VPS53: variants seen among roughly 807,000 people sequenced by gnomAD.
The protein encoded by VPS53 is VPS53 subunit of GARP complex, also known as vacuolar protein sorting-associated protein 53 homolog.
In VPS53, 70 loss-of-function variants were observed where a neutral mutation model predicts 107.0. The observed-to-expected ratio is 0.65, with a 90% CI of 0.54 to 0.80. The LOEUF (loss-of-function observed/expected upper bound fraction) is 0.80, where lower values mean the gene tolerates loss of function less well. Among genes scored for constraint, VPS53 ranks in the 30% least tolerant of loss-of-function variants. VPS53 has a pLI of 0.00. For missense variants in VPS53, 917 were observed against 1,049.4 expected (o/e 0.87, Z 1.74); for synonymous variants, 409 against 393.3 (o/e 1.04, Z -0.47).
intron 15 of VPS53, among the ~76,000 whole-genome samples, chr17:558,413 C>G (rs1326032204): frequency 6.6e-6 from 1 of 152,092 alleles, no homozygotes; most frequent in Non-Finnish European, 1.5e-5. Flanking sequence ...ACGGGCAGAT[C>G]ACAAGATCAG....
chr17:605,413 C>A (rs1039819057), intron 11 of VPS53, among the ~76,000 whole-genome samples: 3 of 152,126 alleles, frequency 2.0e-5, no homozygotes, highest in Admixed American at 6.5e-5. Flanking sequence ...GCAGGGAGAC[C>A]CGGTGGAGAC....
At chr17:543,185 G>C (rs543277920) in intron 17 of VPS53, among the ~76,000 whole-genome samples, 3 of 152,206 alleles carry the variant, frequency 2.0e-5, no homozygotes, top group Non-Finnish European at 4.4e-5. Context: ...GACTTGTCTT[G>C]ATTCAACGTA....
intron 13 of VPS53, among the ~76,000 whole-genome samples, chr17:566,225 A>G (rs965198543): frequency 6.6e-6 from 1 of 151,706 alleles, no homozygotes; most frequent in African/African-American, 2.4e-5. Context: ...AAAAAAAAGA[A>G]AGAAATAACC....
intron 2 of VPS53, among the ~76,000 whole-genome samples, chr17:700,969 T>C (rs932922604): frequency 1.3e-5 from 2 of 152,198 alleles, no homozygotes; most frequent in Non-Finnish European, 2.9e-5. Context: ...CTCATCCTAC[T>C]GTTCTGACCA....
intron 4 of VPS53, among the ~76,000 whole-genome samples, chr17:681,606 T>C (rs1286783599): frequency 6.6e-6 from 1 of 152,210 alleles, no homozygotes; most frequent in Non-Finnish European, 1.5e-5. Context: ...CACATAGATA[T>C]ATGTAGTTAG....
In VPS53 at chr17:665,280, T is replaced by A. The variant is rs527442627; in HGVS notation, c.286-3385A>T. 2.6e-5 allele frequency among the ~76,000 whole-genome samples: 4 copies of A among 151,570 alleles called. No individual in the cohort carries two copies. The South Asian group carries it at 6.3e-4, about 24-fold the overall frequency. On this transcript the variant is annotated intron_variant, in intron 4 of 21. Coordinates refer to ENST00000437048, the MANE Select transcript of VPS53 (RefSeq NM_001128159.3). ...AGAAGGCCCTCGCCGCAGGACGACA[T>A]GGTGAGAAGGCGCTCGCCGCGGGAC...
At chr17:549,348 A>C (rs1911595768) in intron 17 of VPS53, among the ~76,000 whole-genome samples, 1 of 152,194 alleles carries the variant, frequency 6.6e-6, no homozygotes, top group Admixed American at 6.5e-5. Flanking sequence ...GAACTCCAGA[A>C]GACTCAGACA....
intron 4 of VPS53, among the ~76,000 whole-genome samples, chr17:682,838 T>C (rs979504777): frequency 1.5e-5 from 2 of 137,550 alleles, no homozygotes; most frequent in Admixed American, 7.1e-5. Context: ...AGAGGAGCCA[T>C]TTGGTATAAA....
At chr17:606,936 G>T (rs1428611057) in intron 11 of VPS53, among the ~76,000 whole-genome samples, 1 of 149,696 alleles carries the variant, frequency 6.7e-6, no homozygotes, top group Non-Finnish European at 1.5e-5. Context: ...AAAAAGGTTG[G>T]GGACAGCTGG....
chr17:573,742 C>T (rs763941870), intron 13 of VPS53, among the ~76,000 whole-genome samples: 6 of 152,188 alleles, frequency 3.9e-5, no homozygotes, highest in Non-Finnish European at 7.3e-5. Context: ...GCCTAGCAAG[C>T]GCGAAGCCTC....
intron 3 of VPS53, among the ~76,000 whole-genome samples, chr17:698,487 T>G (rs1290569327): frequency 6.6e-6 from 1 of 151,418 alleles, no homozygotes; most frequent in East Asian, 1.9e-4. Flanking sequence ...GGCAGATTGC[T>G]TGAGCTCAGC....
At chr17:691,417 A>G (rs1972771048) in intron 4 of VPS53, among the ~76,000 whole-genome samples, 1 of 152,200 alleles carries the variant, frequency 6.6e-6, no homozygotes, top group African/African-American at 2.4e-5. Context: ...AAGATAATGA[A>G]ACGTCAGAGA....
rs777861602 is a variant in VPS53 at position 517,509 on chromosome 17, G to C, written c.*1619C>G. 3.8e-5 allele frequency: 15 copies of C among 398,382 alleles called. No homozygotes were observed. Among genetic ancestry groups the C allele is most frequent in the Non-Finnish European group, 4.9e-5 (11 of 226,028 alleles). 24.7% of individuals were successfully genotyped at this position (398,382 alleles called of 1,614,324 possible). On this transcript the variant is annotated 3_prime_UTR_variant, in exon 22 of 22. Transcript: ENST00000437048. The stretch of plus-strand genomic sequence containing the variant: ...CTGTTACAAGTTTTATGGATTTTAA[G>C]GAAATTTCCTCTATCCTGAAAACTT...
chr17:618,745 A>C lies in VPS53; in HGVS notation c.1116+4788T>G, dbSNP rs74810032. ...TGGGTAGCTGGGACTACAGGCGTGCACCACCATGCCCCGCTAATATTTCCC... is the reference window on the plus strand; with the variant it reads ...TGGGTAGCTGGGACTACAGGCGTGCCCCACCATGCCCCGCTAATATTTCCC... On this transcript the variant is annotated intron_variant, in intron 11 of 21. Coordinates refer to ENST00000437048, the MANE Select transcript of VPS53 (RefSeq NM_001128159.3). 2.0e-5 allele frequency among the ~76,000 whole-genome samples: 3 copies of C among 149,680 alleles called. No individual in the cohort carries two copies. The South Asian group carries it at 6.4e-4, about 32-fold the overall frequency.
intron 2 of VPS53, among the ~76,000 whole-genome samples, chr17:709,231 T>C (rs568656073): frequency 1.0e-3 from 133 of 133,042 alleles, no homozygotes; most frequent in African/African-American, 3.0e-3. Flanking sequence ...CAGCACGCTC[T>C]GTCACGGAAC....
intron 4 of VPS53, among the ~76,000 whole-genome samples, chr17:685,892 G>A (rs1322524147): frequency 6.6e-6 from 1 of 152,066 alleles, no homozygotes; most frequent in Non-Finnish European, 1.5e-5. Flanking sequence ...TGCACTTGTA[G>A]TCCTACCTAC....
chr17:609,394 C>G (rs1968734572), intron 11 of VPS53, among the ~76,000 whole-genome samples: 1 of 152,142 alleles, frequency 6.6e-6, no homozygotes, highest in African/African-American at 2.4e-5. Context: ...TATTCCTTGT[C>G]TACTGATGTT....
chr17:602,517 G>A (rs1293716746), intron 11 of VPS53, among the ~76,000 whole-genome samples: 1 of 152,156 alleles, frequency 6.6e-6, no homozygotes, highest in African/African-American at 2.4e-5. Flanking sequence ...TGAGAAAATC[G>A]ACTTCTCAGC....
At chr17:569,903 CA>C (rs61335321) in intron 13 of VPS53, among the ~76,000 whole-genome samples, 2,276 of 105,950 alleles carry the variant, frequency 0.021, 30 homozygotes, top group East Asian at 0.076. Context: ...GACTCTGCCT[CA>C]AAAAAAAAAA....
Sources: allele counts gnomAD v4.1 joint callset (sites outside exome capture counted in the v4.1 genomes callset), GRCh38; gene constraint gnomAD v4.1.1; transcripts MANE v1.5; gene names NCBI Gene and HGNC (gene_info 2026-07-23, HGNC 2026-07-21).